Variants in BORCS5 observed in about 807,000 individuals in gnomAD.
BORCS5 encodes BLOC-1-related complex subunit 5.
BORCS5 carries 17 observed loss-of-function variants against 22.1 expected under a neutral mutation model. That is an observed-to-expected ratio of 0.77 (90% CI 0.53 to 1.15). The LOEUF is 1.15. BORCS5 is among the 50% of genes most tolerant of loss of function. BORCS5 has a pLI of 0.00. For missense variants in BORCS5, 247 were observed against 253.2 expected, an observed-to-expected ratio of 0.98 and a Z score of 0.17; for synonymous variants, 117 against 99.8, an observed-to-expected ratio of 1.17 and a Z score of -1.03.
At chr12:12,426,549 C>T (rs1174023170) in intron 2 of BORCS5, among the ~76,000 whole-genome samples, 1 of 152,178 alleles carries the variant, frequency 6.6e-6, no homozygotes, top group African/African-American at 2.4e-5. Flanking sequence ...GGGCCACTGG[C>T]CATGGCCAAA....
intron 2 of BORCS5, among the ~76,000 whole-genome samples, chr12:12,375,510 C>A (rs1445810980): frequency 2.0e-5 from 3 of 152,288 alleles, no homozygotes; most frequent in African/African-American, 4.8e-5. Context: ...ATCCCAGCTA[C>A]TTAGGAGGCT....
At chr12:12,412,953 G>T in intron 2 of BORCS5, among the ~76,000 whole-genome samples, 1 of 122,338 alleles carries the variant, frequency 8.2e-6, no homozygotes, top group Non-Finnish European at 1.6e-5. Context: ...GTTTCTCACA[G>T]AGGGGGATTT....
At chr12:12,440,812 C>G (rs533733379) in intron 3 of BORCS5, among the ~76,000 whole-genome samples, 3 of 152,326 alleles carry the variant, frequency 2.0e-5, no homozygotes, top group African/African-American at 7.2e-5. Flanking sequence ...TAGAGACCCT[C>G]TGGTCCAGTG....
chr12:12,452,135 A>G, intron 3 of BORCS5: 2 of 548,296 alleles, frequency 3.6e-6, no homozygotes, highest in Non-Finnish European at 3.6e-6. Flanking sequence ...GGCACTTTAT[A>G]GTAATGTCAC....
At chr12:12,425,475 G>T (rs940935196) in intron 2 of BORCS5, among the ~76,000 whole-genome samples, 1 of 152,138 alleles carries the variant, frequency 6.6e-6, no homozygotes, top group Non-Finnish European at 1.5e-5. Context: ...ATGCACAAGG[G>T]TTCCAAGGAT....
intron 3 of BORCS5, among the ~76,000 whole-genome samples, chr12:12,437,201 C>G (rs574143353): frequency 6.6e-6 from 1 of 152,120 alleles, no homozygotes; most frequent in African/African-American, 2.4e-5. Context: ...CCATGCTGTT[C>G]GCATGATAGT....
rs1489205189 is a variant in BORCS5, at chr12:12,469,690, T to C, written c.*3914T>C. ...GACATGTATTAAAATTCTAGTGCAA[T>C]TGGGAAACTTGGTCTTCCTGATTTG... On this transcript the variant is annotated 3_prime_UTR_variant, in exon 4 of 4. Coordinates refer to ENST00000314565, the MANE Select transcript of BORCS5 (RefSeq NM_058169.6). 2.6e-5 allele frequency: 4 copies of C among 152,232 alleles called. No individual in the cohort carries two copies. The highest frequency in any genetic ancestry group is 5.9e-5 in the Non-Finnish European group (4 of 68,040). 9.4% of individuals were successfully genotyped at this position (152,232 alleles called of 1,614,324 possible). A position where few individuals can be genotyped will look rare whatever the true frequency, so the allele number is the denominator to read the frequency against.
chr12:12,415,192 G>A (rs2136094677), intron 2 of BORCS5, among the ~76,000 whole-genome samples: 1 of 151,778 alleles, frequency 6.6e-6, no homozygotes, highest in South Asian at 2.1e-4. Context: ...GGGGTCCAAG[G>A]CAGGCGGCTG....
chr12:12,449,018 C>T (rs144235400), intron 3 of BORCS5, among the ~76,000 whole-genome samples: 7 of 152,316 alleles, frequency 4.6e-5, no homozygotes, highest in East Asian at 1.9e-4. Flanking sequence ...CCCACATTTA[C>T]GTTCTTGAAG....
chr12:12,404,318 A>G (rs960698219), intron 2 of BORCS5, among the ~76,000 whole-genome samples: 1 of 152,238 alleles, frequency 6.6e-6, no homozygotes, highest in Non-Finnish European at 1.5e-5. Context: ...GGTAATTTAT[A>G]AAGAACAGAA....
intron 2 of BORCS5, among the ~76,000 whole-genome samples, chr12:12,420,306 C>T (rs1345236882): frequency 6.6e-6 from 1 of 152,108 alleles, no homozygotes; most frequent in Non-Finnish European, 1.5e-5. Flanking sequence ...ATAGGGAATC[C>T]TTTCCCCATT....
intron 3 of BORCS5, among the ~76,000 whole-genome samples, chr12:12,447,713 CA>C (rs1942818504): frequency 6.6e-6 from 1 of 152,208 alleles, no homozygotes; most frequent in Non-Finnish European, 1.5e-5. Context: ...GTTGTGTTCA[CA>C]CATGGTTTGG....
At chr12:12,397,254 G>A (rs924555899) in intron 2 of BORCS5, among the ~76,000 whole-genome samples, 1 of 152,116 alleles carries the variant, frequency 6.6e-6, no homozygotes, top group South Asian at 2.1e-4. Context: ...TAGGTGCGTT[G>A]GATCTAAACT....
chr12:12,458,789 G>A (rs112352625), intron 3 of BORCS5, among the ~76,000 whole-genome samples: 3,162 of 151,306 alleles, frequency 0.021, 84 homozygotes, highest in African/African-American at 0.073. Flanking sequence ...TGGCTAACAC[G>A]GTGAAACCCC....
chr12:12,436,037 G>T (rs1942548562), intron 3 of BORCS5, among the ~76,000 whole-genome samples: 1 of 152,158 alleles, frequency 6.6e-6, no homozygotes, highest in South Asian at 2.1e-4. Flanking sequence ...GAAAAATGGG[G>T]CTAATAGTAG....
chr12:12,416,289 A>AT lies in BORCS5; in HGVS notation c.203-19335dup, dbSNP rs1369479374. ...AAAGAATCAACTTTTGGTGCTGGTG[A>AT]TTTTCTCTATTTTTTTTTCTATTCT... On this transcript the variant is annotated intron_variant, in intron 2 of 3. Coordinates refer to ENST00000314565, the MANE Select transcript of BORCS5 (RefSeq NM_058169.6). 8.0e-5 allele frequency among the ~76,000 whole-genome samples: 12 copies of AT among 150,076 alleles called. No individual in the cohort carries two copies. In the East Asian group the frequency reaches 2.2e-3, roughly 27 times the overall value.
intron 2 of BORCS5, among the ~76,000 whole-genome samples, chr12:12,391,642 C>T (rs1308928972): frequency 6.6e-6 from 1 of 151,132 alleles, no homozygotes; most frequent in African/African-American, 2.4e-5. Flanking sequence ...CCCGCCTTGG[C>T]CTCCGAAAGT....
chr12:12,407,255 C>A, intron 2 of BORCS5, among the ~76,000 whole-genome samples: 1 of 152,290 alleles, frequency 6.6e-6, no homozygotes, highest in East Asian at 1.9e-4. Flanking sequence ...CCTTCCCTTA[C>A]AAACATAAAA....
At chr12:12,358,232 T>C (rs1326722143) in intron 1 of BORCS5, among the ~76,000 whole-genome samples, 1 of 152,246 alleles carries the variant, frequency 6.6e-6, no homozygotes, top group Non-Finnish European at 1.5e-5. Flanking sequence ...GGGAGTGCTT[T>C]GGTTAAGCTC....
Sources: gnomAD v4.1 joint callset for allele counts (sites outside exome capture counted in the v4.1 genomes callset) on GRCh38, gnomAD v4.1.1 for gene constraint, MANE v1.5 for transcripts, NCBI Gene and HGNC (gene_info 2026-07-23, HGNC 2026-07-21) for gene names.